Variants in PTK2B observed in about 807,000 individuals in gnomAD.
The protein encoded by PTK2B is protein tyrosine kinase 2 beta.
PTK2B carries 71 observed loss-of-function variants against 142.9 expected under a neutral mutation model. The ratio of observed to expected loss-of-function variants is 0.50; its 90% CI spans 0.41 to 0.61. The LOEUF is 0.61. PTK2B is among the 20% of genes least tolerant of loss of function. PTK2B has a pLI of 0.00. For synonymous variants in PTK2B, 519 were observed against 503.4 expected, an observed-to-expected ratio of 1.03 and a Z score of -0.42; for missense variants, 1,105 against 1,320.4, an observed-to-expected ratio of 0.84 and a Z score of 2.53.
At chr8:27,407,304 T>C (rs1808780178) in intron 2 of PTK2B, among the ~76,000 whole-genome samples, 1 of 152,158 alleles carries the variant, frequency 6.6e-6, no homozygotes, top group African/African-American at 2.4e-5. Flanking sequence ...CCCTTCATGA[T>C]TCTCTTGCTC....
intron 1 of PTK2B, among the ~76,000 whole-genome samples, chr8:27,356,508 A>G (rs1045468501): frequency 6.6e-6 from 1 of 152,150 alleles, no homozygotes; most frequent in East Asian, 1.9e-4. Flanking sequence ...CTCACGAGGA[A>G]TTCTGAAGGC....
At chr8:27,403,431 T>C (rs78216769) in intron 2 of PTK2B, among the ~76,000 whole-genome samples, 7,377 of 152,286 alleles carry the variant, frequency 0.048, 605 homozygotes, top group African/African-American at 0.17. Flanking sequence ...TTGTGATTTC[T>C]CCATGTTGTA....
intron 1 of PTK2B, among the ~76,000 whole-genome samples, chr8:27,390,328 A>C (rs1406799032): frequency 1.6e-4 from 24 of 152,180 alleles, no homozygotes; most frequent in Admixed American, 1.5e-3. Context: ...AGGTCAGTTT[A>C]GATTTTTTAA....
intron 2 of PTK2B, among the ~76,000 whole-genome samples, chr8:27,419,585 G>A (rs1037736259): frequency 6.6e-5 from 10 of 152,192 alleles, no homozygotes; most frequent in Non-Finnish European, 1.0e-4. Flanking sequence ...TGGATGTTCC[G>A]TAATTATTAA....
intron 24 of PTK2B, among the ~76,000 whole-genome samples, chr8:27,448,249 T>C (rs1811595151): frequency 6.6e-6 from 1 of 152,184 alleles, no homozygotes; most frequent in African/African-American, 2.4e-5. Context: ...AGGGTACTTG[T>C]GGATGTGGAA....
intron 1 of PTK2B, among the ~76,000 whole-genome samples, chr8:27,362,581 G>A (rs1188599851): frequency 6.6e-6 from 1 of 151,970 alleles, no homozygotes; most frequent in Non-Finnish European, 1.5e-5. Flanking sequence ...CTTTAGCAAA[G>A]CAACACCCCA....
At chr8:27,323,382 T>G (rs2130686659), upstream of PTK2B, 1 of 152,380 alleles carries the variant, frequency 6.6e-6, no homozygotes, top group South Asian at 2.1e-4. Context: ...AGGACATTTG[T>G]TCAAAGGCCT....
At chr8:27,447,536 T>A (rs1378663578) in intron 24 of PTK2B, among the ~76,000 whole-genome samples, 1 of 152,192 alleles carries the variant, frequency 6.6e-6, no homozygotes, top group Non-Finnish European at 1.5e-5. Context: ...GTCTCTCTCC[T>A]GAAGACCTCA....
chr8:27,400,846 G>T (rs544494508), intron 2 of PTK2B, among the ~76,000 whole-genome samples: 16 of 152,336 alleles, frequency 1.1e-4, no homozygotes, highest in Middle Eastern at 3.4e-3. Context: ...CAAGATTCGG[G>T]TGTCATTATG....
intron 1 of PTK2B, among the ~76,000 whole-genome samples, chr8:27,394,346 C>T (rs1440204993): frequency 6.6e-6 from 1 of 152,194 alleles, no homozygotes; most frequent in Non-Finnish European, 1.5e-5. Context: ...GCACATGGCT[C>T]CTACAACCCT....
At chr8:27,376,555 A>G (rs1806682388) in intron 1 of PTK2B, among the ~76,000 whole-genome samples, 1 of 152,222 alleles carries the variant, frequency 6.6e-6, no homozygotes, top group Non-Finnish European at 1.5e-5. Flanking sequence ...ATTCTAAGTC[A>G]CAGGGTGAGA....
At chr8:27,320,980 CTTTTTTTTTTTTTTT>C (rs776395346), upstream of PTK2B, among the ~76,000 whole-genome samples, 4 of 39,398 alleles carry the variant, frequency 1.0e-4, no homozygotes, top group East Asian at 7.9e-4. Flanking sequence ...ATACAAAAGG[CTTTTTTTTTTTTTTT>C]TTTTTTTTTT....
chr8:27,380,086 T>C (rs1054841060), intron 1 of PTK2B, among the ~76,000 whole-genome samples: 1 of 152,176 alleles, frequency 6.6e-6, no homozygotes, highest in African/African-American at 2.4e-5. Flanking sequence ...TTTATTATTG[T>C]TTGGACGACA....
intron 20 of PTK2B, 139 bp from the exon 21 acceptor site, chr8:27,440,098 A>G (rs1811062963): frequency 4.9e-6 from 4 of 823,902 alleles, no homozygotes; most frequent in South Asian, 3.3e-5. Context: ...CATGGTAGGC[A>G]GGACCCCAGG....
chr8:27,387,518 C>G (rs1422525244), intron 1 of PTK2B, among the ~76,000 whole-genome samples: 2 of 152,208 alleles, frequency 1.3e-5, no homozygotes, highest in African/African-American at 2.4e-5. Context: ...GACTCACTCT[C>G]TCTTTGGTTT....
intron 24 of PTK2B, 39 bp from the exon 25 acceptor site, chr8:27,450,710 C>T: frequency 6.2e-7 from 1 of 1,612,082 alleles, no homozygotes; most frequent in Non-Finnish European, 8.5e-7. Flanking sequence ...GAGAGCAGGG[C>T]TCATTGCATC....
chr8:27,432,226 G>T, intron 9 of PTK2B, 34 bp from the exon 10 acceptor site: 2 of 1,600,580 alleles, frequency 1.2e-6, no homozygotes, highest in South Asian at 2.2e-5. Context: ...CCTGGTAGTG[G>T]GATGGTCTGA....
chr8:27,357,871 C>G (rs1361197873), intron 1 of PTK2B, among the ~76,000 whole-genome samples: 2 of 152,156 alleles, frequency 1.3e-5, no homozygotes, highest in African/African-American at 4.8e-5. Context: ...AATATGGTCC[C>G]TAGCCTCATG....
intron 2 of PTK2B, among the ~76,000 whole-genome samples, chr8:27,398,049 A>G (rs1009113502): frequency 3.7e-4 from 56 of 152,262 alleles, no homozygotes; most frequent in African/African-American, 1.3e-3. Flanking sequence ...CTCTGATTCA[A>G]TTCATTTCAA....
Sources: gnomAD v4.1 joint callset for allele counts (sites outside exome capture counted in the v4.1 genomes callset) on GRCh38, gnomAD v4.1.1 for gene constraint, MANE v1.5 for transcripts, NCBI Gene and HGNC (gene_info 2026-07-23, HGNC 2026-07-21) for gene names.